SERPINA10: variants seen among roughly 807,000 people sequenced by gnomAD.
SERPINA10 encodes the protein serpin family A member 10.
In SERPINA10, 24 loss-of-function variants were observed where a neutral mutation model predicts 28.0. The ratio of observed to expected loss-of-function variants is 0.86; its 90% CI spans 0.62 to 1.20. The LOEUF is 1.20. Ranked by LOEUF, SERPINA10 falls within the 50% of genes most tolerant of loss-of-function variation. The pLI is 0.00. For synonymous variants in SERPINA10, 207 were observed against 203.9 expected (o/e 1.02, Z -0.13); for missense variants, 521 against 537.7 (o/e 0.97, Z 0.31).
At position 94,284,761 on chromosome 14, in the gene SERPINA10, A is replaced by G. The variant is rs74075931; in HGVS notation, c.1144-605T>C. 3.0e-3 allele frequency among the ~76,000 whole-genome samples: 464 copies of G among 152,322 alleles called. 2 individuals are homozygous for G. The highest frequency in any genetic ancestry group is 0.011 in the African/African-American group (449 of 41,574). On this transcript the variant is annotated intron_variant, in intron 4 of 4. Transcript: ENST00000261994. The stretch of plus-strand genomic sequence containing the variant: ...AAGATGTGATATGAGTGATGTACCT[A>G]TATAATTACTGTGTTATAAGAGATA...
chr14:94,283,293 A>G lies in SERPINA10; in HGVS notation c.*672T>C, dbSNP rs1458279900. ...TTCTTAGAAACAAGCTTAAAATACC[A>G]GACAGATTGCACAAACATCTTAAAA... On this transcript the variant is annotated 3_prime_UTR_variant, in exon 5 of 5. Coordinates refer to ENST00000261994, the MANE Select transcript of SERPINA10 (RefSeq NM_001100607.3). The G allele has an allele frequency of 2.0e-5, 3 of 152,314 alleles. No individual in the cohort carries two copies. Among genetic ancestry groups the G allele is most frequent in the Non-Finnish European group, 4.4e-5 (3 of 68,090 alleles). 9.4% of individuals were successfully genotyped at this position (152,314 alleles called of 1,614,324 possible). A position where few individuals can be genotyped will look rare whatever the true frequency, so the allele number is the denominator to read the frequency against.
At chr14:94,286,460 TGAG>T (rs1895027668) in intron 3 of SERPINA10, among the ~76,000 whole-genome samples, 1 of 152,222 alleles carries the variant, frequency 6.6e-6, no homozygotes, top group Admixed American at 6.5e-5. Context: ...CTTCAGTGAA[TGAG>T]TTTTATTCCT....
rs1895151851 is a variant in SERPINA10, at chr14:94,290,632, C to T, written c.-39G>A. Reference sequence around the variant, plus strand: ...GAGGCCAAGGAGTGCCTCCCTTCAGCTGCAAGACTTCCTGTGGAGAGGAGA... The same window carrying T: ...GAGGCCAAGGAGTGCCTCCCTTCAGTTGCAAGACTTCCTGTGGAGAGGAGA... On this transcript the variant is annotated 5_prime_UTR_variant, in exon 2 of 5. Transcript: ENST00000261994. 1.2e-6 allele frequency: 2 copies of T among 1,609,304 alleles called. No individual in the cohort carries two copies. The highest frequency in any genetic ancestry group is 1.7e-6 in the Non-Finnish European group (2 of 1,178,796).
chr14:94,291,748 C>T (rs887527105), intron 1 of SERPINA10, among the ~76,000 whole-genome samples: 1 of 152,226 alleles, frequency 6.6e-6, no homozygotes, highest in East Asian at 1.9e-4. Context: ...ACCAAGGTCA[C>T]CTGCGGCAAA....
chr14:94,292,886 C>T (rs1895214056), intron 1 of SERPINA10: 1 of 536,918 alleles, frequency 1.9e-6, no homozygotes, highest in Non-Finnish European at 3.4e-6. Flanking sequence ...CTCCCCTCAG[C>T]CCTGGGAAGG....
In SERPINA10 at chr14:94,283,909, T is replaced by G. The variant is rs987374616; in HGVS notation, c.*56A>C. On this transcript the variant is annotated 3_prime_UTR_variant, in exon 5 of 5. Coordinates refer to ENST00000261994, the MANE Select transcript of SERPINA10 (RefSeq NM_001100607.3). ...TCCATTGCTGGTATCCTGTGTGTGT[T>G]TGATACCTCAGATTCAGCATCTACT... 11 of 1,534,582 alleles carry G rather than the reference T, an allele frequency of 7.2e-6. No homozygotes were observed. In the Admixed American group the frequency reaches 1.8e-4, roughly 26 times the overall value.
chr14:94,287,388 C>T (rs1895050732), intron 3 of SERPINA10, among the ~76,000 whole-genome samples: 1 of 152,158 alleles, frequency 6.6e-6, no homozygotes, highest in South Asian at 2.1e-4. Context: ...ACACCTCTCT[C>T]ACCCACATCC....
intron 2 of SERPINA10, 21 bp downstream of exon 2, chr14:94,289,855 A>C: frequency 6.2e-7 from 1 of 1,612,444 alleles, no homozygotes; most frequent in Non-Finnish European, 8.5e-7. Flanking sequence ...GCCTTGGGAG[A>C]GCAGAACATT....
chr14:94,287,581 G>C (rs1895055987), intron 3 of SERPINA10, among the ~76,000 whole-genome samples: 1 of 152,158 alleles, frequency 6.6e-6, no homozygotes, highest in African/African-American at 2.4e-5. Flanking sequence ...AGGAGCTTAT[G>C]TGATCCTTTA....
Position 94,290,084 on chromosome 14 carries a change from C to T in SERPINA10, c.510G>A (p.Lys170=), listed in dbSNP as rs754836175. ...LTQGSFAFIH[K]DFDVKETFFN... ...AGAAAGTCTCTTTGACATCAAAATC[C>T]TTGTGGATGAAGGCAAAACTCCCCT... Residue 170 remains lysine, a synonymous_variant, in exon 2 of 5, where the codon AAG becomes AAA. Coordinates refer to ENST00000261994, the MANE Select transcript of SERPINA10 (RefSeq NM_001100607.3). 7.4e-6 allele frequency: 12 copies of T among 1,614,210 alleles called. No individual in the cohort carries two copies. Among genetic ancestry groups the T allele is most frequent in the Admixed American group, 1.7e-5 (1 of 60,030 alleles).
At position 94,283,773 on chromosome 14, in the gene SERPINA10, G is replaced by T. The variant is rs1021419594; in HGVS notation, c.*192C>A. ...GGTTCAGCACTGTCCACCGTTTCAG[G>T]CATCTGCTGGGGGTCTTTGAATGTA... On this transcript the variant is annotated 3_prime_UTR_variant, in exon 5 of 5. Transcript: ENST00000261994. The T allele has an allele frequency of 4.8e-6, 3 of 621,694 alleles. No individual in the cohort carries two copies. The highest frequency in any genetic ancestry group is 8.5e-6 in the Non-Finnish European group (3 of 352,374). The allele number at this position is 621,694 out of a possible 1,614,324, so 38.5% of individuals were successfully genotyped here.
intron 1 of SERPINA10, chr14:94,292,702 G>A: frequency 2.8e-6 from 2 of 701,822 alleles, no homozygotes; most frequent in Non-Finnish European, 5.2e-6. Context: ...TCTTTGTAAA[G>A]TCTTTGCTCA....
At chr14:94,287,776 C>T (rs1895061154) in intron 3 of SERPINA10, among the ~76,000 whole-genome samples, 1 of 152,164 alleles carries the variant, frequency 6.6e-6, no homozygotes, top group East Asian at 1.9e-4. Flanking sequence ...ACACTCCCAT[C>T]CCAGAACTTG....
rs891931506 is a variant in SERPINA10 at position 94,283,763 on chromosome 14, A to AC, written c.*201dup. The AC allele has an allele frequency of 4.9e-6, 3 of 614,660 alleles. No homozygotes were observed. In the African/African-American group the frequency reaches 5.5e-5, roughly 11 times the overall value. The allele number at this position is 614,660 out of a possible 1,614,324, so 38.1% of individuals were successfully genotyped here. The stretch of plus-strand genomic sequence containing the variant: ...ATATATATAAGGTTCAGCACTGTCC[A>AC]CCGTTTCAGGCATCTGCTGGGGGTC... On this transcript the variant is annotated 3_prime_UTR_variant, in exon 5 of 5. Coordinates refer to ENST00000261994, the MANE Select transcript of SERPINA10 (RefSeq NM_001100607.3).
chr14:94,292,727 T>G, intron 1 of SERPINA10: 1 of 701,058 alleles, frequency 1.4e-6, no homozygotes, highest in East Asian at 2.7e-5. Context: ...CCCAACCCTT[T>G]GGAGTCTAGG....
chr14:94,290,262 C>G lies in SERPINA10; in HGVS notation c.332G>C (p.Gly111Ala), dbSNP rs756737941. 3.1e-6 allele frequency: 5 copies of G among 1,614,188 alleles called. No individual in the cohort carries two copies. Among genetic ancestry groups the G allele is most frequent in the Non-Finnish European group, 4.2e-6 (5 of 1,180,032 alleles). Residue 111 changes from glycine to alanine, a missense_variant, in exon 2 of 5, where the codon GGC becomes GCC. By Grantham distance (60) the Gly-to-Ala change is moderately conservative. Coordinates refer to ENST00000261994, the MANE Select transcript of SERPINA10 (RefSeq NM_001100607.3). ...CGGCCCTGTGGCCCCCAGCATCAAG[C>G]CTGTCATGGCCAAGGACATGCCAAA... Reference protein sequence around the residue: ...SPFGMSLAMTGLMLGATGPTE... With the variant: ...SPFGMSLAMTALMLGATGPTE...
chr14:94,290,303 G>A lies in SERPINA10; in HGVS notation c.291C>T (p.Asn97=), dbSNP rs1595566485. The A allele has an allele frequency of 6.2e-7, 1 of 1,614,238 alleles. No homozygotes were observed. Among genetic ancestry groups the A allele is most frequent in the East Asian group, 2.2e-5 (1 of 44,876 alleles). ...LRKISMRHDG[N]MVFSPFGMSL... ...ACATGCCAAATGGAGAGAAGACCAT[G>A]TTGCCATCGTGCCTCATGGAGATCT... The change falls in exon 2 of 5, where the codon AAC becomes AAT. Residue 97 remains asparagine, a synonymous_variant. Transcript: ENST00000261994.
In SERPINA10 at chr14:94,288,479, G is replaced by A. The variant is rs371403716; in HGVS notation, c.799C>T (p.Pro267Ser). ...AACTTGCCTGCACCGTACATCATGG[G>A]CACCTTAATGGTCTTGTACTTGTCC... ...HLDKYKTIKV[P>S]MMYGAGKFAS... The change falls in exon 3 of 5, where the codon CCC becomes TCC. Residue 267 changes from proline to serine, a missense_variant. Coordinates refer to ENST00000261994, the MANE Select transcript of SERPINA10 (RefSeq NM_001100607.3). 2 of 1,614,148 alleles carry A rather than the reference G, an allele frequency of 1.2e-6. No individual in the cohort carries two copies. Among genetic ancestry groups the A allele is most frequent in the Non-Finnish European group, 1.7e-6 (2 of 1,180,030 alleles).
rs572898524 is a variant in SERPINA10 at position 94,283,098 on chromosome 14, G to C, written c.*867C>G. On this transcript the variant is annotated 3_prime_UTR_variant, in exon 5 of 5. Coordinates refer to ENST00000261994, the MANE Select transcript of SERPINA10 (RefSeq NM_001100607.3). ...AATAAAACACTTATTTTGCACCAGA[G>C]AGAAGGAAAGAGAGAGAAGCACATG... is the stretch of plus-strand genomic sequence containing the variant. The C allele has an allele frequency of 6.6e-6, 1 of 152,310 alleles. No homozygotes were observed. The highest frequency in any genetic ancestry group is 2.4e-5 in the African/African-American group (1 of 41,574). 9.4% of individuals were successfully genotyped at this position (152,310 alleles called of 1,614,324 possible).
Sources: gnomAD v4.1 joint callset for allele counts (sites outside exome capture counted in the v4.1 genomes callset) on GRCh38, gnomAD v4.1.1 for gene constraint, MANE v1.5 for transcripts, NCBI Gene and HGNC (gene_info 2026-07-23, HGNC 2026-07-21) for gene names.